The following ANKHD1 variants were observed in gnomAD, a reference collection of about 807,000 sequenced individuals.
ANKHD1 encodes the protein ankyrin repeat and KH domain-containing protein 1.
In ANKHD1, 31 loss-of-function variants were observed where a neutral mutation model predicts 230.5. The observed-to-expected ratio is 0.13, with a 90% confidence interval of 0.10 to 0.18. ANKHD1 has a LOEUF of 0.18. Ranked by LOEUF, ANKHD1 falls within the 10% of genes least tolerant of loss-of-function variation. The probability of loss-of-function intolerance (pLI) is 1.00; values close to 1 mark genes in which losing one functional copy is unlikely to be tolerated. For synonymous variants in ANKHD1, 1,074 were observed against 1,117.6 expected (o/e 0.96, Z 0.78); for missense variants, 2,256 against 3,071.3 (o/e 0.73, Z 6.27).
intron 1 of ANKHD1, among the ~76,000 whole-genome samples, chr5:140,404,408 C>T (rs1770239634): frequency 1.3e-5 from 2 of 150,146 alleles, no homozygotes; most frequent in African/African-American, 4.9e-5. Flanking sequence ...ACTCATTTGC[C>T]TTTTTTTTTA....
intron 7 of ANKHD1, among the ~76,000 whole-genome samples, chr5:140,456,641 G>A (rs943785519): frequency 6.6e-6 from 1 of 152,146 alleles, no homozygotes; most frequent in Non-Finnish European, 1.5e-5. Context: ...CATGGTGCTG[G>A]GAAAACTGGC....
intron 10 of ANKHD1, among the ~76,000 whole-genome samples, chr5:140,477,856 C>G (rs963756238): frequency 1.3e-5 from 2 of 152,068 alleles, no homozygotes; most frequent in African/African-American, 4.8e-5. Context: ...GTGATCCACC[C>G]GCCTCGGCCT....
chr5:140,441,975 T>C (rs1301196720), intron 5 of ANKHD1, among the ~76,000 whole-genome samples: 2 of 151,880 alleles, frequency 1.3e-5, no homozygotes, highest in African/African-American at 2.4e-5. Context: ...AACCTGAGTG[T>C]TTACCCTATA....
At chr5:140,466,124 G>T (rs1340916749) in intron 10 of ANKHD1, among the ~76,000 whole-genome samples, 1 of 152,150 alleles carries the variant, frequency 6.6e-6, no homozygotes, top group African/African-American at 2.4e-5. Flanking sequence ...GGGTGCAGTG[G>T]CTCATGCCTG....
At chr5:140,511,832 C>T (rs926577429) in intron 22 of ANKHD1, among the ~76,000 whole-genome samples, 1 of 152,212 alleles carries the variant, frequency 6.6e-6, no homozygotes, top group Non-Finnish European at 1.5e-5. Context: ...TAGTCACTTC[C>T]CTGCCCCAGA....
At chr5:140,516,094 T>C (rs1752993148) in intron 24 of ANKHD1, among the ~76,000 whole-genome samples, 1 of 151,974 alleles carries the variant, frequency 6.6e-6, no homozygotes. Flanking sequence ...TACAGAGAAG[T>C]GCTTAAAGGA....
chr5:140,495,272 T>TG (rs1359046267), intron 14 of ANKHD1, among the ~76,000 whole-genome samples: 3 of 146,400 alleles, frequency 2.0e-5, no homozygotes, highest in African/African-American at 7.7e-5. Flanking sequence ...TTTTTTGAGA[T>TG]GGAGTCTCGC....
intron 14 of ANKHD1, among the ~76,000 whole-genome samples, chr5:140,490,411 G>A (rs1260031962): frequency 6.6e-6 from 1 of 152,022 alleles, no homozygotes; most frequent in Non-Finnish European, 1.5e-5. Context: ...ATTTGTACAG[G>A]CTCCGTCCAT....
intron 24 of ANKHD1, among the ~76,000 whole-genome samples, chr5:140,520,544 G>C (rs1340925320): frequency 6.6e-6 from 1 of 151,868 alleles, no homozygotes; most frequent in Admixed American, 6.6e-5. Context: ...GTCCAGCAAT[G>C]ATAGACTGGA....
intron 22 of ANKHD1, among the ~76,000 whole-genome samples, chr5:140,511,298 A>G (rs897254129): frequency 3.3e-5 from 5 of 152,158 alleles, no homozygotes; most frequent in African/African-American, 9.7e-5. Context: ...TTATGCTACT[A>G]TCCCCTTTTG....
intron 24 of ANKHD1, among the ~76,000 whole-genome samples, chr5:140,518,369 G>A (rs1393399945): frequency 2.0e-5 from 3 of 152,162 alleles, no homozygotes; most frequent in African/African-American, 7.2e-5. Flanking sequence ...ACAAGGAGGA[G>A]CTGGTACCAT....
intron 24 of ANKHD1, among the ~76,000 whole-genome samples, chr5:140,515,513 G>A (rs1347435770): frequency 6.6e-6 from 1 of 152,208 alleles, no homozygotes; most frequent in Non-Finnish European, 1.5e-5. Context: ...CGTGAGCGAC[G>A]CAGAAGACGG....
intron 7 of ANKHD1, among the ~76,000 whole-genome samples, chr5:140,450,923 C>T (rs1354356068): frequency 5.3e-5 from 8 of 152,058 alleles, no homozygotes; most frequent in Admixed American, 2.6e-4. Flanking sequence ...GAGGCTGAGG[C>T]GGGTGGATCA....
At chr5:140,479,012 T>TTTA (rs1352088470) in intron 10 of ANKHD1, among the ~76,000 whole-genome samples, 1 of 150,098 alleles carries the variant, frequency 6.7e-6, no homozygotes, top group African/African-American at 2.5e-5. Flanking sequence ...TATTTATTTA[T>TTTA]TTTTAAGATG....
In ANKHD1 at chr5:140,470,611, C is replaced by CTTTT. The variant is rs386405120; in HGVS notation, c.1782+5855_1782+5858dup. On this transcript the variant is annotated intron_variant, in intron 10 of 33. Transcript: ENST00000360839. ...ATTTTTTTCTGTATACTTGTTTCTG[C>CTTTT]TTTTTTTTTTTTTTTTTTTTTTTCT... Among the ~76,000 whole-genome samples, 307 of 71,802 alleles carry CTTTT rather than the reference C, an allele frequency of 4.3e-3. 1 individual carries two copies. The highest frequency in any genetic ancestry group is 6.4e-3 in the East Asian group (14 of 2,182). The allele number at this position is 71,802 out of a possible 152,430, so 47.1% of individuals were successfully genotyped here.
At chr5:140,406,482 A>G (rs1417825504) in intron 1 of ANKHD1, among the ~76,000 whole-genome samples, 2 of 152,040 alleles carry the variant, frequency 1.3e-5, no homozygotes, top group Non-Finnish European at 2.9e-5. Flanking sequence ...CCAAGAGCTG[A>G]GAAAAAACAA....
intron 6 of ANKHD1, among the ~76,000 whole-genome samples, chr5:140,447,435 A>C (rs1774377121): frequency 6.6e-6 from 1 of 151,644 alleles, no homozygotes; most frequent in African/African-American, 2.4e-5. Flanking sequence ...CTCAACCTCC[A>C]GGCCTCAAGT....
chr5:140,446,460 A>G (rs1234355135), intron 6 of ANKHD1, among the ~76,000 whole-genome samples: 1 of 152,180 alleles, frequency 6.6e-6, no homozygotes, highest in Admixed American at 6.5e-5. Flanking sequence ...TCCTGGGCTC[A>G]AGTGATTCTC....
At chr5:140,408,693 T>G (rs1374712858) in intron 1 of ANKHD1, among the ~76,000 whole-genome samples, 2 of 152,072 alleles carry the variant, frequency 1.3e-5, no homozygotes, top group African/African-American at 4.8e-5. Context: ...TTTAATTAAA[T>G]TTTTTTTACC....
Sources: gnomAD v4.1 joint callset for allele counts (sites outside exome capture counted in the v4.1 genomes callset) on GRCh38, gnomAD v4.1.1 for gene constraint, MANE v1.5 for transcripts, NCBI Gene and HGNC (gene_info 2026-07-23, HGNC 2026-07-21) for gene names.